Variants in DHX30 observed in about 807,000 individuals in gnomAD.
DHX30 encodes DExH-box helicase 30.
DHX30 carries 4 observed loss-of-function variants against 116.9 expected under a neutral mutation model. The ratio of observed to expected loss-of-function variants is 0.03; its 90% CI spans 0.02 to 0.08. The LOEUF (loss-of-function observed/expected upper bound fraction) is 0.08, where lower values mean the gene tolerates loss of function less well. DHX30 is among the 10% of genes least tolerant of loss of function. DHX30 has a pLI of 1.00. For synonymous variants in DHX30, 697 were observed against 651.7 expected (o/e 1.07, Z -1.06); for missense variants, 871 against 1,595.1 (o/e 0.55, Z 7.73).
rs1282630767 is a variant in DHX30 at position 47,850,001 on chromosome 3, G to A, written c.3466G>A (p.Glu1156Lys). The A allele has an allele frequency of 4.3e-6, 7 of 1,611,686 alleles. No homozygotes were observed. The highest frequency in any genetic ancestry group is 2.2e-5 in the East Asian group (1 of 44,864). Residue 1156 changes from glutamate to lysine, a missense_variant, in exon 22 of 22, where the codon GAG (glutamate) becomes AAG (lysine). Physicochemically the swap from Glu to Lys is moderately conservative, Grantham distance 56 (BLOSUM62 1). Coordinates refer to ENST00000445061, the MANE Select transcript of DHX30 (RefSeq NM_138615.3). ...CATGGTGGAGCGGAGCCTGCGCAGC[G>A]AGCTGGCTGCACTTCCCCCCAGCGT... ...GRMVERSLRS[E>K]LAALPPSVQE...
intron 8 of DHX30, 173 bp downstream of exon 8, chr3:47,841,910 G>A (rs1175098714): frequency 1.1e-6 from 1 of 882,406 alleles, no homozygotes; most frequent in Non-Finnish European, 1.8e-6. Context: ...TGGAATGGAG[G>A]TCAAGCCTCA....
At chr3:47,818,936 G>A (rs2036173408) in intron 4 of DHX30, among the ~76,000 whole-genome samples, 1 of 152,158 alleles carries the variant, frequency 6.6e-6, no homozygotes, top group Admixed American at 6.5e-5. Flanking sequence ...CTCATCTAGA[G>A]ACAGCATGTC....
chr3:47,837,204 A>G (rs1215968208), intron 6 of DHX30, among the ~76,000 whole-genome samples: 1 of 152,168 alleles, frequency 6.6e-6, no homozygotes, highest in African/African-American at 2.4e-5. Context: ...ATGCGTGGCT[A>G]TGGGGAATGA....
At chr3:47,836,086 C>T (rs892175768) in intron 6 of DHX30, among the ~76,000 whole-genome samples, 1 of 152,216 alleles carries the variant, frequency 6.6e-6, no homozygotes, top group African/African-American at 2.4e-5. Context: ...GCCTGGCTGA[C>T]TGGCTGGCTG....
intron 2 of DHX30, among the ~76,000 whole-genome samples, chr3:47,809,707 C>T (rs961628797): frequency 6.6e-6 from 1 of 152,076 alleles, no homozygotes; most frequent in Middle Eastern, 3.2e-3. Flanking sequence ...CCCAGGTCAG[C>T]CCTCCACTCC....
Position 47,829,125 on chromosome 3 carries a change from G to C in DHX30, c.357G>C (p.Gln119His), listed in dbSNP as rs754452740. ...GGCAGGCTGCAGCTGCAGCCTGCCAGCTGTTCAAGGTGACCCTTCCTCAGT... is the reference window on the plus strand; with the variant it reads ...GGCAGGCTGCAGCTGCAGCCTGCCACCTGTTCAAGGTGACCCTTCCTCAGT... ...AERQAAAAACQLFKGWGLLGP... is the reference protein window; with the variant it reads ...AERQAAAAACHLFKGWGLLGP... Residue 119 changes from glutamine to histidine, a missense_variant, in exon 6 of 22, where the codon CAG becomes CAC. Physicochemically the swap from Gln to His is conservative, Grantham distance 24. Transcript: ENST00000445061. 3 of 1,565,856 alleles carry C rather than the reference G, an allele frequency of 1.9e-6. No homozygotes were observed. The South Asian group carries it at 3.5e-5, about 18-fold the overall frequency.
chr3:47,809,944 A>G (rs2035717141), intron 2 of DHX30, among the ~76,000 whole-genome samples: 1 of 152,226 alleles, frequency 6.6e-6, no homozygotes, highest in South Asian at 2.1e-4. Flanking sequence ...TTGTTAAACC[A>G]GATGTGTTGC....
rs890315547 is a variant in DHX30 at position 47,816,560 on chromosome 3, G to C, written c.29-1462G>C. On this transcript the variant is annotated intron_variant, in intron 3 of 21. Coordinates refer to ENST00000445061, the MANE Select transcript of DHX30 (RefSeq NM_138615.3). Reference sequence around the variant, plus strand: ...TTTAGTAGAGACGGGGTTTCACCATGTTGGCCAGGATGGTCTCGATCTCTT... The same window carrying C: ...TTTAGTAGAGACGGGGTTTCACCATCTTGGCCAGGATGGTCTCGATCTCTT... 3 of 955,656 alleles carry C rather than the reference G, an allele frequency of 3.1e-6. No individual in the cohort carries two copies. In the African/African-American group the frequency reaches 5.3e-5, roughly 17 times the overall value. 59.2% of individuals were successfully genotyped at this position (955,656 alleles called of 1,614,324 possible).
At position 47,848,088 on chromosome 3, in the gene DHX30, C is replaced by G; in HGVS notation, c.2287-92C>G. ...GCCGCGCTTGTGGGGTCTCAGTGTTCCTGATGTAGGGGGCTGGTGAGGGTT... is the reference window on the plus strand; with the variant it reads ...GCCGCGCTTGTGGGGTCTCAGTGTTGCTGATGTAGGGGGCTGGTGAGGGTT... On this transcript the variant is annotated intron_variant, in intron 14 of 21. Coordinates refer to ENST00000445061, the MANE Select transcript of DHX30 (RefSeq NM_138615.3). The surrounding 1 kb of genome is among the most constrained non-coding windows in gnomAD (Gnocchi z 9.4). 1.3e-6 allele frequency: 2 copies of G among 1,585,004 alleles called. No homozygotes were observed. The highest frequency in any genetic ancestry group is 1.7e-6 in the Non-Finnish European group (2 of 1,158,914).
chr3:47,846,225 C>T lies in DHX30; in HGVS notation c.1153C>T (p.Pro385Ser), dbSNP rs765851129. 5 of 1,614,160 alleles carry T rather than the reference C, an allele frequency of 3.1e-6. No homozygotes were observed. Among genetic ancestry groups the T allele is most frequent in the Non-Finnish European group, 4.2e-6 (5 of 1,180,050 alleles). ...CCGGCTGCAGAGTGATGACATCTTGCCCTTGGGCAAGGACTCAGGGCCTCT... is the reference window on the plus strand; with the variant it reads ...CCGGCTGCAGAGTGATGACATCTTGTCCTTGGGCAAGGACTCAGGGCCTCT... Reference protein sequence around the residue: ...ELRLQSDDILPLGKDSGPLSD... With the variant: ...ELRLQSDDILSLGKDSGPLSD... Residue 385 changes from proline to serine, a missense_variant, in exon 11 of 22, where the codon CCC (proline) becomes TCC (serine). Physicochemically the swap from Pro to Ser is moderately conservative, Grantham distance 74 (BLOSUM62 -1). This residue lies in a region of DHX30 where 175 missense variants were observed against 292.9 expected (regional missense o/e 0.60). Coordinates refer to ENST00000445061, the MANE Select transcript of DHX30 (RefSeq NM_138615.3).
At chr3:47,849,165 G>A in intron 18 of DHX30, 27 bp from the exon 19 acceptor site, 1 of 1,613,508 alleles carries the variant, frequency 6.2e-7, no homozygotes, top group Non-Finnish European at 8.5e-7. Flanking sequence ...AGGGGCTGTA[G>A]GTCCACCACA....
At chr3:47,813,300 G>A (rs893463433) in intron 3 of DHX30, among the ~76,000 whole-genome samples, 4 of 152,136 alleles carry the variant, frequency 2.6e-5, no homozygotes, top group Non-Finnish European at 5.9e-5. Flanking sequence ...CCGAGATCGC[G>A]CCACTGTCTG....
At chr3:47,840,684 G>T (rs180772819) in intron 6 of DHX30, among the ~76,000 whole-genome samples, 193 bp from the exon 7 acceptor site, 82 of 152,198 alleles carry the variant, frequency 5.4e-4, no homozygotes, top group Non-Finnish European at 1.0e-3. Context: ...TTGCCATGTG[G>T]GGTTATTTGT....
At chr3:47,849,135 G>A in intron 18 of DHX30, 56 bp downstream of exon 18, 1 of 1,612,320 alleles carries the variant, frequency 6.2e-7, no homozygotes, top group South Asian at 1.1e-5. Flanking sequence ...CTGAGTTTCT[G>A]TCACCTCCAG....
chr3:47,849,944 C>T lies in DHX30; in HGVS notation c.3409C>T (p.Leu1137=), dbSNP rs751900164. The T allele has an allele frequency of 6.2e-7, 1 of 1,613,246 alleles. No individual in the cohort carries two copies. Among genetic ancestry groups the T allele is most frequent in the African/African-American group, 1.3e-5 (1 of 75,060 alleles). ...GGAGGGTGACTCGCGTACCGTGCGGCTGCTGAAGGAGCTGCGGCGGGCCCT... is the reference window on the plus strand; with the variant it reads ...GGAGGGTGACTCGCGTACCGTGCGGTTGCTGAAGGAGCTGCGGCGGGCCCT... ...RLEGDSRTVR[L]LKELRRALGR... is the part of the protein sequence containing the mutation. The change falls in exon 22 of 22, where the codon CTG becomes TTG. Residue 1137 remains leucine, a synonymous_variant. Transcript: ENST00000445061.
Position 47,846,191 on chromosome 3 carries a change from C to T in DHX30, c.1119C>T (p.Ala373=). 1.2e-6 allele frequency: 2 copies of T among 1,613,722 alleles called. No individual in the cohort carries two copies. Among genetic ancestry groups the T allele is most frequent in the South Asian group, 2.2e-5 (2 of 91,086 alleles). ...NHYPVESSWI[A]PELRLQSDDI... is the part of the protein sequence containing the mutation. Reference sequence around the variant, plus strand: ...ACCCTGTGGAGAGTTCATGGATCGCCCCAGAACTCCGGCTGCAGAGTGATG... The same window carrying T: ...ACCCTGTGGAGAGTTCATGGATCGCTCCAGAACTCCGGCTGCAGAGTGATG... Residue 373 remains alanine, a synonymous_variant, in exon 11 of 22, where the codon GCC becomes GCT. Transcript: ENST00000445061.
rs560404002 is a variant in DHX30, at chr3:47,849,832, A to G, written c.3332-35A>G. 2.5e-6 allele frequency: 4 copies of G among 1,608,840 alleles called. No homozygotes were observed. In the Admixed American group the frequency reaches 5.0e-5, roughly 20 times the overall value. On this transcript the variant is annotated intron_variant, in intron 21 of 21. Coordinates refer to ENST00000445061, the MANE Select transcript of DHX30 (RefSeq NM_138615.3). ...AGCTGCTCCTCCGGGGCCTGGCCTCACCACAGTTCCCCACCATCTTTTCCA... is the reference window on the plus strand; with the variant it reads ...AGCTGCTCCTCCGGGGCCTGGCCTCGCCACAGTTCCCCACCATCTTTTCCA...
intron 4 of DHX30, among the ~76,000 whole-genome samples, chr3:47,825,484 C>A (rs932968898): frequency 1.3e-5 from 2 of 152,194 alleles, no homozygotes; most frequent in Admixed American, 1.3e-4. Flanking sequence ...GGTGCGAGAC[C>A]TCGAGGGAGT....
At chr3:47,827,220 C>T in intron 4 of DHX30, 127 bp from the exon 5 acceptor site, 1 of 879,592 alleles carries the variant, frequency 1.1e-6, no homozygotes, top group South Asian at 1.9e-5. Flanking sequence ...TTCCAAGATG[C>T]TCCTGGGTGG....
Sources: allele counts gnomAD v4.1 joint callset (sites outside exome capture counted in the v4.1 genomes callset), GRCh38; gene constraint gnomAD v4.1.1; regional missense constraint gnomAD v4.1.1; non-coding constraint Gnocchi (gnomAD v3.1); transcripts MANE v1.5; gene names NCBI Gene and HGNC (gene_info 2026-07-23, HGNC 2026-07-21).